The following TTC8 variants were observed in gnomAD, a reference collection of about 807,000 sequenced individuals.
TTC8 encodes the protein tetratricopeptide repeat protein 8.
Under a neutral mutation model 72.5 loss-of-function variants are expected in TTC8, and 47 were observed. That is an observed-to-expected ratio of 0.65 (90% CI 0.51 to 0.83). The LOEUF (loss-of-function observed/expected upper bound fraction) is 0.83, where lower values mean the gene tolerates loss of function less well. TTC8 is among the 40% of genes least tolerant of loss of function. TTC8 has a pLI of 0.00. For synonymous variants in TTC8, 199 were observed against 221.4 expected (o/e 0.90, Z 0.90); for missense variants, 611 against 623.2 (o/e 0.98, Z 0.21).
intron 1 of TTC8, among the ~76,000 whole-genome samples, chr14:88,830,365 C>T (rs998065018): frequency 2.0e-5 from 3 of 152,090 alleles, no homozygotes; most frequent in African/African-American, 7.2e-5. Context: ...GAGGGAGATT[C>T]AGAGGAAGTT....
chr14:88,872,234 T>C (rs1308496060), intron 12 of TTC8, 96 bp from the exon 13 acceptor site: 2 of 1,539,824 alleles, frequency 1.3e-6, no homozygotes, highest in Non-Finnish European at 1.8e-6. Context: ...TGGTACTTGA[T>C]GCTTTTTGTC....
intron 2 of TTC8, chr14:88,833,972 G>A: frequency 3.8e-6 from 2 of 526,374 alleles, no homozygotes; most frequent in East Asian, 6.5e-5. Context: ...AAATGGAAAT[G>A]ACCAAGATGG....
In TTC8 at chr14:88,877,425, A is replaced by G; in HGVS notation, c.*15A>G. 9 of 1,590,952 alleles carry G rather than the reference A, an allele frequency of 5.7e-6. No individual in the cohort carries two copies. The highest frequency in any genetic ancestry group is 7.8e-6 in the Non-Finnish European group (9 of 1,159,120). On this transcript the variant is annotated 3_prime_UTR_variant, in exon 15 of 15. Coordinates refer to ENST00000380656, the MANE Select transcript of TTC8 (RefSeq NM_144596.4). ...CTATGCTCTGATTGTTCCTTAGACC[A>G]CATATGTTCTTATGAAGCAGCATTA...
chr14:88,835,290 A>G (rs970654685), intron 2 of TTC8, among the ~76,000 whole-genome samples: 2 of 152,226 alleles, frequency 1.3e-5, no homozygotes, highest in African/African-American at 4.8e-5. Flanking sequence ...CAGTCAGCAG[A>G]GTTTTAACCC....
At chr14:88,840,989 T>C (rs762925109) in intron 4 of TTC8, 48 bp from the exon 5 acceptor site, 1 of 1,613,818 alleles carries the variant, frequency 6.2e-7, no homozygotes, top group East Asian at 2.2e-5. Context: ...ATGAGAGTCT[T>C]TCCTCAAATG....
chr14:88,851,376 T>G (rs1595957011), intron 7 of TTC8, among the ~76,000 whole-genome samples: 1 of 152,168 alleles, frequency 6.6e-6, no homozygotes, highest in Admixed American at 6.6e-5. Context: ...ATGAGTTGTT[T>G]TAGGACCAAC....
In TTC8 at chr14:88,841,445, T is replaced by C. The variant is rs2094781122; in HGVS notation, c.510T>C (p.Pro170=). The C allele has an allele frequency of 9.3e-6, 15 of 1,613,832 alleles. No homozygotes were observed. The highest frequency in any genetic ancestry group is 1.1e-5 in the Non-Finnish European group (13 of 1,179,868). Residue 170 remains proline, a synonymous_variant, in exon 6 of 15, where the codon CCT becomes CCC. Transcript: ENST00000380656. Reference sequence around the variant, plus strand: ...TGTAGGCTTCCATGCTTACAAGTCCTGATGGACCATTTATAAATTTATCTA... The same window carrying C: ...TGTAGGCTTCCATGCTTACAAGTCCCGATGGACCATTTATAAATTTATCTA... ...RLGTASMLTS[P]DGPFINLSRL... is the part of the protein sequence containing the mutation.
rs367967503 is a variant in TTC8 at position 88,861,283 on chromosome 14, A to G, written c.860A>G (p.Lys287Arg). 6 of 1,613,034 alleles carry G rather than the reference A, an allele frequency of 3.7e-6. No individual in the cohort carries two copies. Among genetic ancestry groups the G allele is most frequent in the Middle Eastern group, 1.7e-4 (1 of 6,046 alleles). Reference protein sequence around the residue: ...ALNLFKQGLDKFPGEVTLLCG... With the variant: ...ALNLFKQGLDRFPGEVTLLCG... The stretch of plus-strand genomic sequence containing the variant: ...AATCTTTTCAAACAAGGCTTAGATA[A>G]GTTTCCAGGAGAAGTAACCCTGCTC... Residue 287 changes from lysine to arginine, a missense_variant, in exon 10 of 15, where the codon AAG (lysine) becomes AGG (arginine). Physicochemically the swap from Lys to Arg is conservative, Grantham distance 26. Transcript: ENST00000380656.
In TTC8 at chr14:88,839,137, T is replaced by C. The variant is rs143867967; in HGVS notation, c.145-315T>C. On this transcript the variant is annotated intron_variant, in intron 2 of 14. Transcript: ENST00000380656. Reference sequence around the variant, plus strand: ...TGTGGTTGTAGCTTTATTCATTTGTTTTCAAATTATTATTTTAGTAAAATT... The same window carrying C: ...TGTGGTTGTAGCTTTATTCATTTGTCTTCAAATTATTATTTTAGTAAAATT... 9.0e-3 allele frequency among the ~76,000 whole-genome samples: 1,371 copies of C among 152,326 alleles called. 26 individuals carry two copies. The highest frequency in any genetic ancestry group is 0.031 in the African/African-American group (1,301 of 41,570).
chr14:88,859,878 A>G (rs1566850260), intron 9 of TTC8, among the ~76,000 whole-genome samples: 11 of 91,906 alleles, frequency 1.2e-4, no homozygotes, highest in African/African-American at 3.6e-4. Flanking sequence ...TAAATATATT[A>G]TATATTATAT....
At chr14:88,833,900 T>C (rs1236172289) in intron 2 of TTC8, 178 bp downstream of exon 2, 1 of 640,148 alleles carries the variant, frequency 1.6e-6, no homozygotes, top group African/African-American at 1.8e-5. Context: ...TTCAATACTT[T>C]TGTGTATATT....
At chr14:88,843,438 C>A (rs1159952283) in intron 6 of TTC8, among the ~76,000 whole-genome samples, 1 of 152,134 alleles carries the variant, frequency 6.6e-6, no homozygotes, top group African/African-American at 2.4e-5. Context: ...TCAGTAGAAA[C>A]TTCCAGTTTT....
intron 2 of TTC8, among the ~76,000 whole-genome samples, chr14:88,836,670 G>A (rs2094753120): frequency 6.6e-6 from 1 of 151,892 alleles, no homozygotes; most frequent in Admixed American, 6.6e-5. Flanking sequence ...ATGATGAATT[G>A]GACTATGAAA....
intron 1 of TTC8, among the ~76,000 whole-genome samples, chr14:88,828,578 G>A (rs2094712134): frequency 6.6e-6 from 1 of 152,094 alleles, no homozygotes. Flanking sequence ...AGTGCCAAAT[G>A]GATTCATTTT....
intron 1 of TTC8, among the ~76,000 whole-genome samples, chr14:88,827,341 G>C (rs749826703): frequency 1.3e-5 from 2 of 152,160 alleles, no homozygotes; most frequent in Non-Finnish European, 2.9e-5. Flanking sequence ...GGGTTGATAT[G>C]TTCAGCTCCA....
upstream of TTC8, chr14:88,824,640 G>A: frequency 2.9e-6 from 4 of 1,362,766 alleles, no homozygotes; most frequent in African/African-American, 1.4e-5. Context: ...GTCGGACGCC[G>A]CCAGCTCTTC....
chr14:88,869,941 G>A (rs984139480), intron 10 of TTC8, 118 bp from the exon 11 acceptor site: 18 of 1,031,338 alleles, frequency 1.7e-5, no homozygotes, highest in Middle Eastern at 4.9e-4. Flanking sequence ...ATGGAGTCTG[G>A]CACATGGTAG....
chr14:88,838,721 G>T (rs2094764857), intron 2 of TTC8, among the ~76,000 whole-genome samples: 1 of 152,270 alleles, frequency 6.6e-6, no homozygotes, highest in African/African-American at 2.4e-5. Context: ...TCAAGGTAAA[G>T]CAAAGCTGAT....
intron 10 of TTC8, 129 bp from the exon 11 acceptor site, chr14:88,869,930 A>G: frequency 2.2e-6 from 2 of 911,618 alleles, no homozygotes; most frequent in Non-Finnish European, 3.4e-6. Context: ...CAGGGTCTAG[A>G]ATGGAGTCTG....
Sources: gnomAD v4.1 joint callset for allele counts (sites outside exome capture counted in the v4.1 genomes callset) on GRCh38, gnomAD v4.1.1 for gene constraint, MANE v1.5 for transcripts, NCBI Gene and HGNC (gene_info 2026-07-23, HGNC 2026-07-21) for gene names.